TBC1D22A: variants seen among roughly 807,000 people sequenced by gnomAD.
TBC1D22A encodes the protein putative GTPase activator.
TBC1D22A carries 38 observed loss-of-function variants against 60.2 expected under a neutral mutation model. The ratio of observed to expected loss-of-function variants is 0.63; its 90% confidence interval spans 0.49 to 0.83. TBC1D22A has a LOEUF of 0.83. TBC1D22A is among the 40% of genes least tolerant of loss of function. The pLI is 0.00. For synonymous variants in TBC1D22A, 302 were observed against 281.7 expected, an observed-to-expected ratio of 1.07 and a Z score of -0.72; for missense variants, 628 against 701.0, an observed-to-expected ratio of 0.90 and a Z score of 1.18.
chr22:46,795,490 C>T (rs186911377), intron 3 of TBC1D22A, among the ~76,000 whole-genome samples: 17 of 152,336 alleles, frequency 1.1e-4, no homozygotes, highest in African/African-American at 4.1e-4. Flanking sequence ...GGGATGGCCT[C>T]ATCCTGGAAG....
At chr22:47,139,149 C>T (rs183672999) in intron 12 of TBC1D22A, among the ~76,000 whole-genome samples, 101 of 152,304 alleles carry the variant, frequency 6.6e-4, no homozygotes, top group African/African-American at 2.3e-3. Context: ...GGGAGGGTGA[C>T]GTCATGTGCT....
At chr22:46,835,119 G>T (rs1381774319) in intron 4 of TBC1D22A, among the ~76,000 whole-genome samples, 1 of 152,176 alleles carries the variant, frequency 6.6e-6, no homozygotes, top group Non-Finnish European at 1.5e-5. Context: ...TCCTAGTCAG[G>T]CTGATTGGAA....
intron 11 of TBC1D22A, among the ~76,000 whole-genome samples, chr22:47,081,182 A>T (rs2064453240): frequency 2.0e-5 from 3 of 152,136 alleles, no homozygotes; most frequent in Admixed American, 2.0e-4. Context: ...TAGGCTTGCA[A>T]GGTTGCTTTA....
chr22:46,855,776 T>C lies in TBC1D22A; in HGVS notation c.638-22877T>C, dbSNP rs565900818. Among the ~76,000 whole-genome samples the C allele has an allele frequency of 2.2e-4, 34 of 152,346 alleles. No individual in the cohort carries two copies. The East Asian group carries it at 6.6e-3, about 29-fold the overall frequency. ...TCAGTTCTTGACTGTCACAGGGTCT[T>C]TCGTTGCCATCCGAGCCTTTCTTCT... On this transcript the variant is annotated intron_variant, in intron 4 of 12. Transcript: ENST00000337137.
At chr22:47,093,614 C>A (rs888535941) in intron 11 of TBC1D22A, among the ~76,000 whole-genome samples, 5 of 152,078 alleles carry the variant, frequency 3.3e-5, no homozygotes, top group African/African-American at 1.2e-4. Context: ...TTAAACCAGT[C>A]AATTGGTATA....
At chr22:47,172,899 G>A (rs12160712) in intron 12 of TBC1D22A, among the ~76,000 whole-genome samples, 2 of 152,258 alleles carry the variant, frequency 1.3e-5, no homozygotes, top group East Asian at 1.9e-4. Context: ...GTGGGCCTGA[G>A]CCGGCTCCGT....
intron 4 of TBC1D22A, among the ~76,000 whole-genome samples, chr22:46,850,448 A>G (rs1173896202): frequency 1.3e-5 from 2 of 152,246 alleles, no homozygotes; most frequent in Non-Finnish European, 2.9e-5. Context: ...CTATTATCCC[A>G]TTCTAAAAAT....
chr22:46,885,344 G>A (rs531446287), intron 5 of TBC1D22A, among the ~76,000 whole-genome samples: 1 of 152,198 alleles, frequency 6.6e-6, no homozygotes, highest in South Asian at 2.1e-4. Context: ...GTGTCCATGT[G>A]ACTCTGGGCA....
At chr22:46,868,708 T>C (rs939984819) in intron 4 of TBC1D22A, among the ~76,000 whole-genome samples, 1 of 152,364 alleles carries the variant, frequency 6.6e-6, no homozygotes, top group African/African-American at 2.4e-5. Context: ...TTTAGCCGTA[T>C]TTATTAACTT....
intron 4 of TBC1D22A, among the ~76,000 whole-genome samples, chr22:46,868,987 G>C (rs764703267): frequency 2.6e-5 from 4 of 152,206 alleles, no homozygotes; most frequent in Admixed American, 6.5e-5. Context: ...CTTTCTGGGG[G>C]TTCTTTGCCC....
intron 8 of TBC1D22A, among the ~76,000 whole-genome samples, chr22:46,941,579 C>T (rs1317728208): frequency 7.2e-6 from 1 of 137,998 alleles, no homozygotes; most frequent in African/African-American, 2.7e-5. Context: ...AATATATATA[C>T]AGGGAATATA....
At chr22:47,159,331 A>ACACACAC (rs1569477905) in intron 12 of TBC1D22A, among the ~76,000 whole-genome samples, 9 of 77,506 alleles carry the variant, frequency 1.2e-4, no homozygotes, top group Non-Finnish European at 1.7e-4. Context: ...ACACATGTAT[A>ACACACAC]CACACACACC....
At chr22:47,110,338 G>A (rs928865559) in intron 11 of TBC1D22A, among the ~76,000 whole-genome samples, 3 of 152,106 alleles carry the variant, frequency 2.0e-5, no homozygotes, top group African/African-American at 7.2e-5. Context: ...AATTAGCCAG[G>A]TGTGGTGGCG....
At chr22:46,856,164 T>A (rs1021654031) in intron 4 of TBC1D22A, among the ~76,000 whole-genome samples, 1 of 152,190 alleles carries the variant, frequency 6.6e-6, no homozygotes, top group African/African-American at 2.4e-5. Flanking sequence ...CAGAGAGGTC[T>A]TGTGATGCCA....
intron 1 of TBC1D22A, chr22:46,774,052 G>C: frequency 1.0e-6 from 1 of 985,588 alleles, no homozygotes; most frequent in Non-Finnish European, 1.2e-6. Context: ...TCCTGCTGTG[G>C]GCTGGCTTGG....
intron 4 of TBC1D22A, among the ~76,000 whole-genome samples, chr22:46,858,361 A>G (rs1415130771): frequency 6.6e-6 from 1 of 152,150 alleles, no homozygotes; most frequent in Non-Finnish European, 1.5e-5. Flanking sequence ...TTGACACTCA[A>G]TACTGTCTTT....
intron 12 of TBC1D22A, among the ~76,000 whole-genome samples, chr22:47,150,850 C>T (rs1311601410): frequency 6.6e-6 from 1 of 152,192 alleles, no homozygotes; most frequent in African/African-American, 2.4e-5. Context: ...TAGCTAGAGA[C>T]CTCCGCCCCC....
chr22:46,766,922 C>G (rs963063907), intron 1 of TBC1D22A, among the ~76,000 whole-genome samples: 1 of 152,196 alleles, frequency 6.6e-6, no homozygotes, highest in Non-Finnish European at 1.5e-5. Context: ...GCTTCCTGTT[C>G]TCCCTGGTAT....
intron 12 of TBC1D22A, among the ~76,000 whole-genome samples, chr22:47,156,160 C>G (rs1255152319): frequency 6.6e-6 from 1 of 152,206 alleles, no homozygotes; most frequent in Non-Finnish European, 1.5e-5. Flanking sequence ...ACAGAAAACC[C>G]ATACCCCATG....
Sources: allele counts gnomAD v4.1 joint callset (sites outside exome capture counted in the v4.1 genomes callset), GRCh38; gene constraint gnomAD v4.1.1; transcripts MANE v1.5; gene names NCBI Gene and HGNC (gene_info 2026-07-23, HGNC 2026-07-21).